The following COL13A1 variants were observed in gnomAD, a reference collection of about 807,000 sequenced individuals.
The protein encoded by COL13A1 is collagen type XIII alpha 1 chain.
COL13A1 carries 89 observed loss-of-function variants against 130.9 expected under a neutral mutation model. The observed-to-expected ratio is 0.68, with a 90% confidence interval of 0.57 to 0.81. COL13A1 has a LOEUF of 0.81. Among genes scored for constraint, COL13A1 ranks in the 30% least tolerant of loss-of-function variants. COL13A1 has a pLI of 0.00. For missense variants in COL13A1, 879 were observed against 934.6 expected (o/e 0.94, Z 0.78); for synonymous variants, 402 against 341.6 (o/e 1.18, Z -1.95).
intron 10 of COL13A1, among the ~76,000 whole-genome samples, chr10:69,893,261 A>G (rs1029711123): frequency 3.9e-5 from 6 of 152,382 alleles, no homozygotes; most frequent in Middle Eastern, 6.8e-3. Flanking sequence ...CAGAGGTGGG[A>G]GGACTGCCTG....
At chr10:69,878,150 C>T in intron 6 of COL13A1, 85 bp downstream of exon 6, 1 of 689,194 alleles carries the variant, frequency 1.5e-6, no homozygotes, top group South Asian at 1.5e-5. Flanking sequence ...GCCCTCCCCC[C>T]CATGAAAGCC....
At chr10:69,897,726 G>A (rs548058824) in intron 13 of COL13A1, among the ~76,000 whole-genome samples, 54 of 152,170 alleles carry the variant, frequency 3.5e-4, no homozygotes, top group African/African-American at 1.3e-3. Context: ...GGGCGCATTC[G>A]CAGCCCAAGC....
chr10:69,815,058 T>C (rs1452981300), intron 1 of COL13A1, among the ~76,000 whole-genome samples: 1 of 152,202 alleles, frequency 6.6e-6, no homozygotes, highest in Non-Finnish European at 1.5e-5. Context: ...GTCTCCACAT[T>C]GGCACTCAGG....
chr10:69,872,571 C>G lies in COL13A1; in HGVS notation c.399+361C>G, dbSNP rs145179459. On this transcript the variant is annotated intron_variant, in intron 4 of 40. Coordinates refer to ENST00000645393, the MANE Select transcript of COL13A1 (RefSeq NM_001368882.1). ...GGCACACTGACTATCCCCCTGCATA[C>G]CAGCTGACATTCAAACCACTGTTCC... Among the ~76,000 whole-genome samples, 1,202 of 152,330 alleles carry G rather than the reference C, an allele frequency of 7.9e-3. 7 individuals carry two copies. The highest frequency in any genetic ancestry group is 0.017 in the Middle Eastern group (5 of 294).
chr10:69,862,375 C>T (rs1382342950), intron 2 of COL13A1, among the ~76,000 whole-genome samples: 2 of 152,128 alleles, frequency 1.3e-5, no homozygotes, highest in South Asian at 2.1e-4. Context: ...ACCATGCTCC[C>T]GGGACATCAA....
intron 17 of COL13A1, among the ~76,000 whole-genome samples, chr10:69,906,254 A>G (rs1327290201): frequency 6.6e-6 from 1 of 152,256 alleles, no homozygotes; most frequent in African/African-American, 2.4e-5. Flanking sequence ...GGGCAGATGT[A>G]TCAGTTATCT....
intron 1 of COL13A1, among the ~76,000 whole-genome samples, chr10:69,820,680 G>A (rs148417593): frequency 3.9e-5 from 6 of 152,276 alleles, no homozygotes; most frequent in Admixed American, 1.3e-4. Flanking sequence ...CTTTCTAAGT[G>A]AGGGTCCCCA....
chr10:69,845,694 T>A (rs1052086331), intron 2 of COL13A1, among the ~76,000 whole-genome samples: 2 of 152,318 alleles, frequency 1.3e-5, no homozygotes, highest in Admixed American at 1.3e-4. Flanking sequence ...GCAGTAACCC[T>A]GCTCCCTGAT....
rs369991379 is a variant in COL13A1 at position 69,902,446 on chromosome 10, C to T, written c.751-302C>T. On this transcript the variant is annotated intron_variant, in intron 14 of 40. Transcript: ENST00000645393. ...AGCAGGCCTTTGGTTGGGCCAGGGGCTGTCTCCCACCCACTCCTCTGCCTC... is the reference window on the plus strand; with the variant it reads ...AGCAGGCCTTTGGTTGGGCCAGGGGTTGTCTCCCACCCACTCCTCTGCCTC... Among the ~76,000 whole-genome samples, 5 of 152,302 alleles carry T rather than the reference C, an allele frequency of 3.3e-5. No homozygotes were observed. In the East Asian group the frequency reaches 9.7e-4, roughly 29 times the overall value.
chr10:69,909,503 G>A (rs1396481139), intron 17 of COL13A1, among the ~76,000 whole-genome samples: 1 of 152,228 alleles, frequency 6.6e-6, no homozygotes, highest in Admixed American at 6.5e-5. Context: ...ACAGCCCATG[G>A]CTGGTCTGGG....
intron 15 of COL13A1, among the ~76,000 whole-genome samples, chr10:69,904,700 C>A (rs1261292485): frequency 2.0e-5 from 3 of 152,150 alleles, no homozygotes; most frequent in Non-Finnish European, 4.4e-5. Flanking sequence ...GAATTGCCCG[C>A]GGCCCCCACA....
At chr10:69,837,398 C>T (rs1424782546) in intron 2 of COL13A1, among the ~76,000 whole-genome samples, 1 of 152,246 alleles carries the variant, frequency 6.6e-6, no homozygotes, top group African/African-American at 2.4e-5. Flanking sequence ...AGACTCCTGA[C>T]GCCTTCTGAG....
intron 32 of COL13A1, 95 bp from the exon 33 acceptor site, chr10:69,936,661 C>A: frequency 6.6e-7 from 1 of 1,506,638 alleles, no homozygotes; most frequent in Non-Finnish European, 9.2e-7. Flanking sequence ...ACTCTGCACC[C>A]AAAACCCTTG....
chr10:69,900,310 CA>C (rs1463596581), intron 14 of COL13A1, among the ~76,000 whole-genome samples: 1 of 152,164 alleles, frequency 6.6e-6, no homozygotes, highest in African/African-American at 2.4e-5. Flanking sequence ...GAATTCTATG[CA>C]AATTATCTCA....
intron 32 of COL13A1, 150 bp from the exon 33 acceptor site, chr10:69,936,606 C>A: frequency 1.3e-6 from 1 of 774,054 alleles, no homozygotes; most frequent in South Asian, 1.9e-5. Flanking sequence ...ATGACCCCCA[C>A]TTAGCATTTC....
At chr10:69,861,934 T>G (rs181063924) in intron 2 of COL13A1, among the ~76,000 whole-genome samples, 37 of 152,286 alleles carry the variant, frequency 2.4e-4, no homozygotes, top group Admixed American at 2.4e-3. Flanking sequence ...ATAGGACAGA[T>G]GTGAGCTGTG....
In COL13A1 at chr10:69,908,596, G is replaced by T. The variant is rs1183773088; in HGVS notation, c.921+2774G>T. On this transcript the variant is annotated intron_variant, in intron 17 of 40. Coordinates refer to ENST00000645393, the MANE Select transcript of COL13A1 (RefSeq NM_001368882.1). ...AGTGATTCATCCAGAAGGGGCATGGGGTCTGCTGTCCTGAGTACGGAGAAT... is the reference window on the plus strand; with the variant it reads ...AGTGATTCATCCAGAAGGGGCATGGTGTCTGCTGTCCTGAGTACGGAGAAT... 6.6e-5 allele frequency among the ~76,000 whole-genome samples: 10 copies of T among 152,352 alleles called. No homozygotes were observed. The South Asian group carries it at 2.1e-3, about 32-fold the overall frequency.
chr10:69,952,217 C>T (rs1299224938), intron 38 of COL13A1, among the ~76,000 whole-genome samples: 1 of 152,252 alleles, frequency 6.6e-6, no homozygotes, highest in Non-Finnish European at 1.5e-5. Flanking sequence ...TGGACACACA[C>T]ATACATATGT....
rs191502298 is a variant in COL13A1 at position 69,898,860 on chromosome 10, A to T, written c.750+98A>T. 5 of 916,634 alleles carry T rather than the reference A, an allele frequency of 5.5e-6. No homozygotes were observed. In the East Asian group the frequency reaches 1.3e-4, roughly 24 times the overall value. The allele number at this position is 916,634 out of a possible 1,614,324, so 56.8% of individuals were successfully genotyped here. ...CAAAGCCAGAACCTCTCTCTAATTCAGTGAAATTAAATCAGACAAAAATAG... is the reference window on the plus strand; with the variant it reads ...CAAAGCCAGAACCTCTCTCTAATTCTGTGAAATTAAATCAGACAAAAATAG... On this transcript the variant is annotated intron_variant, in intron 14 of 40. Transcript: ENST00000645393.
Sources: allele counts gnomAD v4.1 joint callset (sites outside exome capture counted in the v4.1 genomes callset), GRCh38; gene constraint gnomAD v4.1.1; transcripts MANE v1.5; gene names NCBI Gene and HGNC (gene_info 2026-07-23, HGNC 2026-07-21).